KCNMA1: variants seen among roughly 807,000 people sequenced by gnomAD.
The protein encoded by KCNMA1 is Calcium-activated potassium channel subunit alpha-1.
Under a neutral mutation model 140.0 loss-of-function variants are expected in KCNMA1, and 29 were observed. The ratio of observed to expected loss-of-function variants is 0.21; its 90% CI spans 0.15 to 0.28. The LOEUF (loss-of-function observed/expected upper bound fraction) is 0.28. KCNMA1 is among the 10% of genes least tolerant of loss of function. The pLI, the probability that KCNMA1 is intolerant of heterozygous loss-of-function variation, is 1.00. For missense variants in KCNMA1, 880 were observed against 1,602.2 expected, an observed-to-expected ratio of 0.55 and a Z score of 7.70; for synonymous variants, 612 against 611.9, an observed-to-expected ratio of 1.00 and a Z score of 0.00.
chr10:77,561,788 G>A (rs1289891911), intron 1 of KCNMA1, among the ~76,000 whole-genome samples: 2 of 152,172 alleles, frequency 1.3e-5, no homozygotes, highest in Admixed American at 1.3e-4. Context: ...AAGGGATAAG[G>A]TAACAGGGAC....
Position 77,401,530 on chromosome 10 carries a change from A to AC in KCNMA1, c.540+2331dup, listed in dbSNP as rs201275358. Among the ~76,000 whole-genome samples the AC allele has an allele frequency of 7.4e-3, 1,126 of 151,898 alleles. 12 individuals carry two copies. Among genetic ancestry groups the AC allele is most frequent in the African/African-American group, 0.025 (1,051 of 41,420 alleles). ...CACTTCCCCAGACTTTGGGGTCTGC[A>AC]CCCCCCATTTCCCAGAGCGCCAGGC... On this transcript the variant is annotated intron_variant, in intron 2 of 27. Transcript: ENST00000286628.
At chr10:76,876,659 C>T (rs1189857102), downstream of KCNMA1, 5 of 152,154 alleles carry the variant, frequency 3.3e-5, no homozygotes, top group African/African-American at 1.2e-4. Flanking sequence ...TAAAGGAGAG[C>T]ATGCAAATTA....
chr10:77,064,981 C>G (rs1484579999), intron 14 of KCNMA1, among the ~76,000 whole-genome samples: 1 of 152,162 alleles, frequency 6.6e-6, no homozygotes, highest in African/African-American at 2.4e-5. Flanking sequence ...GCAAGGGAAT[C>G]ATATACAGTA....
intron 2 of KCNMA1, among the ~76,000 whole-genome samples, chr10:77,341,008 T>A (rs1248854835): frequency 6.6e-6 from 1 of 152,104 alleles, no homozygotes; most frequent in African/African-American, 2.4e-5. Flanking sequence ...GACTCAGAGA[T>A]GCTCTGCCAT....
rs2093799476 is a variant in KCNMA1, at chr10:77,636,860, G to A, written c.378+405C>T. The stretch of plus-strand genomic sequence containing the variant: ...TCCCTCTCGCCCACCGCCAGGAGCC[G>A]AGCCCCGGCAGGTGAGCGGTGCAAA... On this transcript the variant is annotated intron_variant, in intron 1 of 27. Coordinates refer to ENST00000286628, the MANE Select transcript of KCNMA1 (RefSeq NM_001161352.2). 5 of 1,428,130 alleles carry A rather than the reference G, an allele frequency of 3.5e-6. No individual in the cohort carries two copies. In the East Asian group the frequency reaches 7.7e-5, roughly 22 times the overall value. 88.5% of individuals were successfully genotyped at this position (1,428,130 alleles called of 1,614,324 possible).
intron 2 of KCNMA1, among the ~76,000 whole-genome samples, chr10:77,298,472 C>T (rs2075773163): frequency 6.6e-6 from 1 of 152,146 alleles, no homozygotes; most frequent in African/African-American, 2.4e-5. Context: ...GAACTCCTGA[C>T]CTCAGGTGAT....
At chr10:77,217,651 T>C (rs2048240531) in intron 3 of KCNMA1, 2 of 406,454 alleles carry the variant, frequency 4.9e-6, no homozygotes, top group Non-Finnish European at 1.0e-5. Flanking sequence ...TGGTATGAAG[T>C]GCAGTTGCAC....
At position 77,105,335 on chromosome 10, in the gene KCNMA1, T is replaced by G. The variant is rs989972882; in HGVS notation, c.1223+3146A>C. On this transcript the variant is annotated intron_variant, in intron 9 of 27. Transcript: ENST00000286628. The stretch of plus-strand genomic sequence containing the variant: ...ATTAAAACTGAAAATGAAATGCCAA[T>G]GAAATCTTCATATTCTCAAATATCC... 2.6e-5 allele frequency among the ~76,000 whole-genome samples: 4 copies of G among 152,218 alleles called. No homozygotes were observed. In the South Asian group the frequency reaches 8.3e-4, roughly 31 times the overall value.
At chr10:77,577,369 T>C (rs1483349272) in intron 1 of KCNMA1, among the ~76,000 whole-genome samples, 1 of 152,144 alleles carries the variant, frequency 6.6e-6, no homozygotes, top group Non-Finnish European at 1.5e-5. Context: ...AACTGCCATG[T>C]AGTTGAAGCA....
At chr10:77,420,766 C>T (rs1566737201) in intron 1 of KCNMA1, among the ~76,000 whole-genome samples, 1 of 152,094 alleles carries the variant, frequency 6.6e-6, no homozygotes. Context: ...CACAAAGGGC[C>T]TGGCAGGAGG....
chr10:77,076,330 A>T (rs2153722496), intron 13 of KCNMA1, among the ~76,000 whole-genome samples: 1 of 152,350 alleles, frequency 6.6e-6, no homozygotes, highest in African/African-American at 2.4e-5. Flanking sequence ...AAGAAGTTAT[A>T]AACCAATCTT....
At chr10:77,599,657 T>C (rs1156251434) in intron 1 of KCNMA1, among the ~76,000 whole-genome samples, 1 of 152,242 alleles carries the variant, frequency 6.6e-6, no homozygotes, top group Non-Finnish European at 1.5e-5. Flanking sequence ...TGTGTGATCA[T>C]GAAGCACCTA....
At chr10:77,374,616 G>A (rs1456039996) in intron 2 of KCNMA1, among the ~76,000 whole-genome samples, 1 of 152,216 alleles carries the variant, frequency 6.6e-6, no homozygotes, top group Non-Finnish European at 1.5e-5. Flanking sequence ...ATCTTGACAT[G>A]GGTTCAATGC....
chr10:77,313,890 G>A (rs1392078697), intron 2 of KCNMA1: 1 of 152,128 alleles, frequency 6.6e-6, no homozygotes, highest in African/African-American at 2.4e-5. Flanking sequence ...AGGATTTGGG[G>A]GTTAAAGGGA....
At chr10:77,084,081 T>A (rs1369963123) in intron 12 of KCNMA1, among the ~76,000 whole-genome samples, 1 of 151,998 alleles carries the variant, frequency 6.6e-6, no homozygotes, top group African/African-American at 2.4e-5. Context: ...AAAGCCCTAG[T>A]AAGGGTTTTC....
At chr10:77,081,004 G>A (rs1290035824) in intron 12 of KCNMA1, among the ~76,000 whole-genome samples, 2 of 152,096 alleles carry the variant, frequency 1.3e-5, no homozygotes, top group East Asian at 1.9e-4. Flanking sequence ...AAGGCATTGC[G>A]GGGGTCATGA....
intron 5 of KCNMA1, among the ~76,000 whole-genome samples, chr10:77,135,394 A>G (rs1380302917): frequency 6.6e-6 from 1 of 152,200 alleles, no homozygotes; most frequent in East Asian, 1.9e-4. Context: ...TGTTGATGGG[A>G]AGGTAAATTA....
At chr10:77,042,120 G>A (rs1483263109) in intron 14 of KCNMA1, among the ~76,000 whole-genome samples, 1 of 152,186 alleles carries the variant, frequency 6.6e-6, no homozygotes, top group African/African-American at 2.4e-5. Flanking sequence ...GCTAGGCAGT[G>A]CTGCTGGGTA....
chr10:77,520,436 C>T (rs1226088744), intron 1 of KCNMA1, among the ~76,000 whole-genome samples: 1 of 151,968 alleles, frequency 6.6e-6, no homozygotes, highest in African/African-American at 2.4e-5. Context: ...GGTTCCTGCA[C>T]ATAGGGGCTG....
Sources: allele counts gnomAD v4.1 joint callset (sites outside exome capture counted in the v4.1 genomes callset), GRCh38; gene constraint gnomAD v4.1.1; transcripts MANE v1.5; gene names NCBI Gene and HGNC (gene_info 2026-07-23, HGNC 2026-07-21).